OR3A2: variants seen among roughly 807,000 people sequenced by gnomAD.
The protein encoded by OR3A2 is olfactory receptor 3A2.
For synonymous variants in OR3A2, 126 were observed against 159.3 expected, an observed-to-expected ratio of 0.79 and a Z score of 1.57; for missense variants, 318 against 392.8, an observed-to-expected ratio of 0.81 and a Z score of 1.61.
intron 3 of OR3A2, among the ~76,000 whole-genome samples, chr17:3,334,218 GC>G (rs1387327787): frequency 2.6e-5 from 4 of 152,060 alleles, no homozygotes; most frequent in Non-Finnish European, 5.9e-5. Context: ...AGATCTAGAA[GC>G]AGAAATACCA....
At chr17:3,309,155 C>T (rs60002563) in intron 3 of OR3A2, among the ~76,000 whole-genome samples, 2,255 of 152,222 alleles carry the variant, frequency 0.015, 60 homozygotes, top group African/African-American at 0.051. Context: ...ATCCACCCAC[C>T]GCGGCCTCCC....
intron 2 of OR3A2, among the ~76,000 whole-genome samples, chr17:3,379,305 G>A (rs2049713158): frequency 6.6e-6 from 1 of 152,102 alleles, no homozygotes; most frequent in Admixed American, 6.5e-5. Context: ...CTACTCTGCC[G>A]AGGCCAATGA....
intron 2 of OR3A2, among the ~76,000 whole-genome samples, chr17:3,372,587 C>T (rs1162127623): frequency 3.3e-5 from 5 of 152,086 alleles, no homozygotes; most frequent in Middle Eastern, 6.8e-3. Flanking sequence ...CTCGGGAGGC[C>T]GAGGCTGGCG....
chr17:3,370,707 G>T (rs1180823650), intron 2 of OR3A2, among the ~76,000 whole-genome samples: 3 of 151,530 alleles, frequency 2.0e-5, no homozygotes, highest in African/African-American at 7.3e-5. Context: ...GACAATAGTG[G>T]AGGGAAGGTC....
At position 3,278,935 on chromosome 17, in the gene OR3A2, T is replaced by A; in HGVS notation, c.-6-12A>T. On this transcript the variant is annotated splice_polypyrimidine_tract_variant and intron_variant, in intron 1 of 1. Transcript: ENST00000642052. ...GGCTCCATGAGTTTCTGTAAGGACA[T>A]GTCCCAGCAGGGGAGGTATCAGTTC... 6.5e-7 allele frequency: 1 copy of A among 1,544,572 alleles called. No homozygotes were observed. The highest frequency in any genetic ancestry group is 8.7e-7 in the Non-Finnish European group (1 of 1,150,544).
intron 2 of OR3A2, among the ~76,000 whole-genome samples, chr17:3,342,394 C>T (rs1289948397): frequency 6.6e-6 from 1 of 152,192 alleles, no homozygotes; most frequent in Non-Finnish European, 1.5e-5. Flanking sequence ...TTCTCCCCAT[C>T]TTTGTGGTTT....
intron 3 of OR3A2, among the ~76,000 whole-genome samples, chr17:3,299,170 C>T (rs2048943508): frequency 6.6e-6 from 1 of 152,148 alleles, no homozygotes; most frequent in African/African-American, 2.4e-5. Context: ...AATGGTGGTG[C>T]TGAGGCTAGA....
At chr17:3,306,696 C>CAA (rs1555525950) in intron 3 of OR3A2, among the ~76,000 whole-genome samples, 2 of 101,964 alleles carry the variant, frequency 2.0e-5, no homozygotes, top group African/African-American at 4.7e-5. Context: ...AAAAAAAAAA[C>CAA]CGTAACCCCT....
chr17:3,340,518 A>C (rs901097604), intron 2 of OR3A2, among the ~76,000 whole-genome samples: 2 of 152,028 alleles, frequency 1.3e-5, no homozygotes, highest in South Asian at 2.1e-4. Context: ...CCTTCATTTC[A>C]TGATTTATCC....
chr17:3,279,249 G>A, intron 1 of OR3A2, 96 bp from the exon 4 acceptor site: 1 of 399,468 alleles, frequency 2.5e-6, no homozygotes, highest in Non-Finnish European at 4.5e-6. Context: ...GGGGAAATGG[G>A]TAACTATGTG....
intron 2 of OR3A2, among the ~76,000 whole-genome samples, chr17:3,372,580 G>C (rs574581757): frequency 6.6e-6 from 1 of 152,208 alleles, no homozygotes; most frequent in South Asian, 2.1e-4. Context: ...CCGGCACCTC[G>C]GGAGGCCGAG....
Position 3,358,753 on chromosome 17 carries a change from A to T in OR3A2, c.-178-22627T>A, listed in dbSNP as rs1425691914. The stretch of plus-strand genomic sequence containing the variant: ...TGGCAACAAGAAGAATGTATATTCT[A>T]TTGTTTTGGGGTGCAGAGTTTTGTA... On this transcript the variant is annotated intron_variant, in intron 2 of 4. Transcript: ENST00000573491. Among the ~76,000 whole-genome samples, 4 of 151,674 alleles carry T rather than the reference A, an allele frequency of 2.6e-5. No individual in the cohort carries two copies. In the South Asian group the frequency reaches 8.3e-4, roughly 31 times the overall value.
At chr17:3,289,608 T>G (rs1597320112) in intron 3 of OR3A2, among the ~76,000 whole-genome samples, 1 of 152,226 alleles carries the variant, frequency 6.6e-6, no homozygotes, top group Non-Finnish European at 1.5e-5. Context: ...GGTAGCTCCC[T>G]CAGGGTAAAC....
chr17:3,313,052 C>T (rs955385168), intron 3 of OR3A2, among the ~76,000 whole-genome samples: 1 of 152,182 alleles, frequency 6.6e-6, no homozygotes, highest in African/African-American at 2.4e-5. Flanking sequence ...ATATCATTTG[C>T]AATTTATCAA....
At chr17:3,323,880 A>G (rs2049147460) in intron 3 of OR3A2, among the ~76,000 whole-genome samples, 1 of 151,854 alleles carries the variant, frequency 6.6e-6, no homozygotes, top group Non-Finnish European at 1.5e-5. Context: ...TGTTCTCTGT[A>G]TTTCCTGAAT....
chr17:3,383,370 A>G (rs546730286), intron 2 of OR3A2, among the ~76,000 whole-genome samples: 1 of 152,332 alleles, frequency 6.6e-6, no homozygotes, highest in Admixed American at 6.5e-5. Flanking sequence ...ACTAACATCT[A>G]TTAGCATCCG....
At chr17:3,303,136 G>A (rs2048977484) in intron 3 of OR3A2, among the ~76,000 whole-genome samples, 1 of 152,102 alleles carries the variant, frequency 6.6e-6, no homozygotes, top group African/African-American at 2.4e-5. Context: ...AGAAAAAAAT[G>A]ATATTATATG....
At chr17:3,323,704 G>A (rs1271909370) in intron 3 of OR3A2, among the ~76,000 whole-genome samples, 13 of 152,230 alleles carry the variant, frequency 8.5e-5, no homozygotes, top group Admixed American at 7.2e-4. Context: ...CTTCTGGCTT[G>A]TAGAGTTTCT....
At chr17:3,371,372 G>A (rs1329376679) in intron 2 of OR3A2, among the ~76,000 whole-genome samples, 1 of 148,548 alleles carries the variant, frequency 6.7e-6, no homozygotes, top group Non-Finnish European at 1.5e-5. Context: ...CGGGCGGGGG[G>A]CTGACCCCCC....
Sources: gnomAD v4.1 joint callset for allele counts (sites outside exome capture counted in the v4.1 genomes callset) on GRCh38, gnomAD v4.1.1 for gene constraint, MANE v1.5 for transcripts, NCBI Gene and HGNC (gene_info 2026-07-23, HGNC 2026-07-21) for gene names.